The following SPAG17 variants were observed in gnomAD, a reference collection of about 807,000 sequenced individuals.
The protein encoded by SPAG17 is sperm-associated antigen 17.
Under a neutral mutation model 273.6 loss-of-function variants are expected in SPAG17, and 169 were observed. The ratio of observed to expected loss-of-function variants is 0.62; its 90% CI spans 0.55 to 0.70. The LOEUF is 0.70. Ranked by LOEUF, SPAG17 falls within the 30% of genes least tolerant of loss-of-function variation. The pLI is 0.00. For missense variants in SPAG17, 2,557 were observed against 2,627.8 expected, an observed-to-expected ratio of 0.97 and a Z score of 0.59; for synonymous variants, 825 against 873.2, an observed-to-expected ratio of 0.94 and a Z score of 0.97.
At chr1:118,031,646 C>T in intron 25 of SPAG17, 46 bp downstream of exon 25, 2 of 1,592,928 alleles carry the variant, frequency 1.3e-6, no homozygotes, top group Non-Finnish European at 1.7e-6. Flanking sequence ...AAAGTTAACA[C>T]TGAAGCAGAA....
At chr1:118,138,109 C>T (rs1658461520) in intron 3 of SPAG17, among the ~76,000 whole-genome samples, 1 of 152,108 alleles carries the variant, frequency 6.6e-6, no homozygotes, top group African/African-American at 2.4e-5. Flanking sequence ...ACCCTTTTGG[C>T]TGGAAGTTGT....
chr1:118,166,139 T>A (rs1400994129), intron 1 of SPAG17, among the ~76,000 whole-genome samples: 1 of 152,160 alleles, frequency 6.6e-6, no homozygotes, highest in African/African-American at 2.4e-5. Flanking sequence ...CTATTTCTAC[T>A]CAATATATGC....
chr1:118,015,103 G>A (rs2101797087), intron 29 of SPAG17, among the ~76,000 whole-genome samples: 1 of 151,638 alleles, frequency 6.6e-6, no homozygotes, highest in South Asian at 2.1e-4. Flanking sequence ...TGGCCAACAT[G>A]GCAAAACCCT....
chr1:118,011,920 T>C (rs116109024), intron 30 of SPAG17, among the ~76,000 whole-genome samples: 1 of 152,026 alleles, frequency 6.6e-6, no homozygotes, highest in Non-Finnish European at 1.5e-5. Context: ...CTTGATTGAG[T>C]CATTTTGCAA....
At chr1:118,025,158 GT>G in intron 27 of SPAG17, 79 bp downstream of exon 27, 2 of 1,293,854 alleles carry the variant, frequency 1.5e-6, no homozygotes, top group African/African-American at 3.0e-5. Context: ...CCTTTTCCCT[GT>G]TATAGAACAG....
At chr1:118,031,432 G>T (rs895615885) in intron 25 of SPAG17, among the ~76,000 whole-genome samples, 4 of 152,050 alleles carry the variant, frequency 2.6e-5, no homozygotes, top group African/African-American at 9.7e-5. Flanking sequence ...GTGGAAAAAA[G>T]GTTGAACTAA....
chr1:118,011,431 T>C (rs1659459325), intron 30 of SPAG17, among the ~76,000 whole-genome samples: 1 of 152,094 alleles, frequency 6.6e-6, no homozygotes, highest in African/African-American at 2.4e-5. Flanking sequence ...GGAAAACGCA[T>C]GGAGCTGGAG....
At position 117,966,625 on chromosome 1, in the gene SPAG17, G is replaced by T. The variant is rs775366827; in HGVS notation, c.6516C>A (p.Phe2172Leu). The T allele has an allele frequency of 2.5e-6, 4 of 1,611,972 alleles. No individual in the cohort carries two copies. Among genetic ancestry groups the T allele is most frequent in the Non-Finnish European group, 3.4e-6 (4 of 1,179,378 alleles). ...IEIMTEHEVLFLPVEATVLTS... is the reference protein window; with the variant it reads ...IEIMTEHEVLLLPVEATVLTS... ...AAAGGATATTTGCTTCCACAGGTAGGAACAGAACCTCATGCTCTGTCATAA... is the reference window on the plus strand; with the variant it reads ...AAAGGATATTTGCTTCCACAGGTAGTAACAGAACCTCATGCTCTGTCATAA... The change falls in exon 47 of 49, where the codon TTC (phenylalanine) becomes TTA (leucine). Residue 2172 changes from phenylalanine (F) to leucine (L), a missense_variant. Phe to Leu is a conservative substitution (Grantham distance 22). Transcript: ENST00000336338.
intron 48 of SPAG17, among the ~76,000 whole-genome samples, chr1:117,957,848 C>T (rs955772324): frequency 6.6e-5 from 10 of 152,056 alleles, no homozygotes; most frequent in South Asian, 4.1e-4. Flanking sequence ...TGTCCTTTAC[C>T]AACATTTTAA....
intron 44 of SPAG17, 69 bp downstream of exon 44, chr1:117,973,356 A>C: frequency 6.4e-7 from 1 of 1,561,214 alleles, no homozygotes; most frequent in Non-Finnish European, 8.7e-7. Context: ...GGATTGAAAA[A>C]AATAAAAAAT....
chr1:117,999,401 C>G (rs181758394), intron 32 of SPAG17, among the ~76,000 whole-genome samples: 3 of 152,310 alleles, frequency 2.0e-5, no homozygotes, highest in East Asian at 3.9e-4. Flanking sequence ...TGAGGAATCA[C>G]CATACCATCT....
intron 18 of SPAG17, among the ~76,000 whole-genome samples, chr1:118,063,248 T>C (rs1007165099): frequency 2.6e-5 from 4 of 152,220 alleles, no homozygotes; most frequent in Non-Finnish European, 1.5e-5. Flanking sequence ...AAAGTTCATA[T>C]GGAACCAAAA....
chr1:118,035,220 C>T (rs550818410), intron 24 of SPAG17, among the ~76,000 whole-genome samples: 2 of 152,240 alleles, frequency 1.3e-5, no homozygotes, highest in Admixed American at 1.3e-4. Flanking sequence ...ATTATCTACA[C>T]TATAAACATT....
At chr1:118,140,341 A>G (rs1658605877) in intron 3 of SPAG17, among the ~76,000 whole-genome samples, 1 of 152,172 alleles carries the variant, frequency 6.6e-6, no homozygotes, top group Non-Finnish European at 1.5e-5. Context: ...AAATTGTTAA[A>G]TTTCAAATGT....
At chr1:118,077,179 AT>A (rs1306661483) in intron 15 of SPAG17, among the ~76,000 whole-genome samples, 1 of 152,158 alleles carries the variant, frequency 6.6e-6, no homozygotes, top group Non-Finnish European at 1.5e-5. Context: ...TGAAGTAAGT[AT>A]GATTCAGAGT....
chr1:117,980,083 C>G (rs182394867), intron 43 of SPAG17, among the ~76,000 whole-genome samples: 138 of 152,306 alleles, frequency 9.1e-4, no homozygotes, highest in Non-Finnish European at 1.7e-3. Flanking sequence ...ACTGTGCCCT[C>G]ATTACTATTG....
In SPAG17 at chr1:117,992,531, G is replaced by T. The variant is rs565817505; in HGVS notation, c.5296C>A (p.Arg1766Ser). Residue 1766 changes from arginine to serine, a missense_variant, in exon 36 of 49, where the codon CGC becomes AGC. By Grantham distance (110) the Arg-to-Ser change is moderately radical. Coordinates refer to ENST00000336338, the MANE Select transcript of SPAG17 (RefSeq NM_206996.4). Reference protein sequence around the residue: ...ILKSPSVLQMRQFIQHEVIKN... With the variant: ...ILKSPSVLQMSQFIQHEVIKN... ...ATGACCTCATGCTGAATGAATTGGC[G>T]CATCTGTAGCACACTGGGGCTCTTG... 6 of 1,613,438 alleles carry T rather than the reference G, an allele frequency of 3.7e-6. No individual in the cohort carries two copies. Among genetic ancestry groups the T allele is most frequent in the Middle Eastern group, 1.7e-4 (1 of 6,060 alleles).
At chr1:118,142,218 G>T (rs1658719308) in intron 3 of SPAG17, among the ~76,000 whole-genome samples, 1 of 152,140 alleles carries the variant, frequency 6.6e-6, no homozygotes, top group South Asian at 2.1e-4. Context: ...GCCAAACCAG[G>T]CACAACAAGA....
chr1:118,057,123 C>A (rs1416466410), intron 18 of SPAG17, among the ~76,000 whole-genome samples: 2 of 151,936 alleles, frequency 1.3e-5, no homozygotes, highest in African/African-American at 4.8e-5. Context: ...ATTACAGGTG[C>A]CTGCCACCAT....
Sources: allele counts gnomAD v4.1 joint callset (sites outside exome capture counted in the v4.1 genomes callset), GRCh38; gene constraint gnomAD v4.1.1; transcripts MANE v1.5; gene names NCBI Gene and HGNC (gene_info 2026-07-23, HGNC 2026-07-21).